ABTB3: variants seen among roughly 807,000 people sequenced by gnomAD.
ABTB3 encodes ankyrin repeat and BTB domain containing 3.
At chr12:107,346,304 C>T in the ABTB3 span, among the ~76,000 whole-genome samples, 1 of 152,124 alleles carries the variant, frequency 6.6e-6, no homozygotes, top group Non-Finnish European at 1.5e-5. Context: ...TTTCTGGAAG[C>T]ACCCCCATTG....
the ABTB3 span, among the ~76,000 whole-genome samples, chr12:107,472,337 C>A: frequency 9.2e-5 from 14 of 152,084 alleles, no homozygotes; most frequent in Non-Finnish European, 1.6e-4. Context: ...GCAAACGGAA[C>A]CGGGGAAGGG....
At chr12:107,432,440 T>C in the ABTB3 span, among the ~76,000 whole-genome samples, 1 of 152,204 alleles carries the variant, frequency 6.6e-6, no homozygotes, top group South Asian at 2.1e-4. Flanking sequence ...TTCTCTACCT[T>C]AGGGATGCCC....
At chr12:107,329,737 C>G in the ABTB3 span, among the ~76,000 whole-genome samples, 27 of 152,272 alleles carry the variant, frequency 1.8e-4, no homozygotes, top group Admixed American at 9.1e-4. Context: ...AAGTGCCTGA[C>G]ATGTAGAAAT....
the ABTB3 span, among the ~76,000 whole-genome samples, chr12:107,413,336 G>A: frequency 1.3e-5 from 2 of 152,270 alleles, no homozygotes; most frequent in South Asian, 4.1e-4. Context: ...TGACGACTAA[G>A]ATGCAGATGA....
chr12:107,656,112 A>G, the ABTB3 span, among the ~76,000 whole-genome samples: 8 of 148,146 alleles, frequency 5.4e-5, no homozygotes, highest in Admixed American at 5.5e-4. Flanking sequence ...ACATAGTGAA[A>G]CCCCATCTCT....
At chr12:107,504,720 A>G in the ABTB3 span, among the ~76,000 whole-genome samples, 1 of 152,206 alleles carries the variant, frequency 6.6e-6, no homozygotes, top group Non-Finnish European at 1.5e-5. Flanking sequence ...GAAGCGTGCC[A>G]GATACACCAG....
chr12:107,551,077 GGA>G, the ABTB3 span, among the ~76,000 whole-genome samples: 1 of 152,160 alleles, frequency 6.6e-6, no homozygotes. Flanking sequence ...GAAGGAGAGA[GGA>G]GAGCCATTCC....
chr12:107,642,069 C>CT, the ABTB3 span: 6 of 1,609,064 alleles, frequency 3.7e-6, no homozygotes, highest in Middle Eastern at 1.6e-4. Context: ...TTTTTTATCT[C>CT]TTTTTTATGT....
the ABTB3 span, among the ~76,000 whole-genome samples, chr12:107,527,146 C>G: frequency 1.3e-5 from 2 of 152,122 alleles, no homozygotes; most frequent in South Asian, 4.1e-4. Context: ...ACATCACTCC[C>G]TATTCCCTCT....
the ABTB3 span, among the ~76,000 whole-genome samples, chr12:107,520,049 A>T: frequency 6.6e-6 from 1 of 152,110 alleles, no homozygotes; most frequent in Non-Finnish European, 1.5e-5. Flanking sequence ...TCTGTTGAAC[A>T]AACAAAGTGA....
At chr12:107,344,274 C>T in the ABTB3 span, among the ~76,000 whole-genome samples, 2 of 152,202 alleles carry the variant, frequency 1.3e-5, no homozygotes, top group Non-Finnish European at 2.9e-5. Context: ...CTTAGTCCCC[C>T]AGCACCCATA....
chr12:107,535,810 T>C, the ABTB3 span, among the ~76,000 whole-genome samples: 1 of 152,226 alleles, frequency 6.6e-6, no homozygotes, highest in East Asian at 1.9e-4. Context: ...ATAATTAATA[T>C]TGGAAAATTA....
chr12:107,582,505 C>T, the ABTB3 span, among the ~76,000 whole-genome samples: 1 of 152,200 alleles, frequency 6.6e-6, no homozygotes, highest in Non-Finnish European at 1.5e-5. Context: ...GGCTGTGCCA[C>T]CATGCCTTGT....
the ABTB3 span, among the ~76,000 whole-genome samples, chr12:107,562,808 A>T: frequency 3.3e-5 from 5 of 152,216 alleles, no homozygotes; most frequent in Admixed American, 6.5e-5. Flanking sequence ...AGCAGTTTGG[A>T]AACCTATTTG....
the ABTB3 span, among the ~76,000 whole-genome samples, chr12:107,521,546 A>T: frequency 6.6e-6 from 1 of 152,068 alleles, no homozygotes; most frequent in Admixed American, 6.6e-5. Flanking sequence ...TGATTTCCAC[A>T]ATGAGATCCA....
the ABTB3 span, among the ~76,000 whole-genome samples, chr12:107,342,229 G>A: frequency 6.6e-6 from 1 of 151,996 alleles, no homozygotes; most frequent in Non-Finnish European, 1.5e-5. Flanking sequence ...GCAGATGGAT[G>A]CCAGATTCAT....
At chr12:107,616,487 A>G in the ABTB3 span, among the ~76,000 whole-genome samples, 1 of 152,264 alleles carries the variant, frequency 6.6e-6, no homozygotes, top group Non-Finnish European at 1.5e-5. Context: ...GGGGATGCAC[A>G]GAATGAAGTC....
At chr12:107,568,282 G>A in the ABTB3 span, among the ~76,000 whole-genome samples, 2 of 152,184 alleles carry the variant, frequency 1.3e-5, no homozygotes, top group African/African-American at 2.4e-5. Context: ...TCTGCACAGG[G>A]CCTAGAATAT....
At chr12:107,390,008 G>A in the ABTB3 span, among the ~76,000 whole-genome samples, 1 of 151,920 alleles carries the variant, frequency 6.6e-6, no homozygotes, top group Non-Finnish European at 1.5e-5. Context: ...TTCTTAAATG[G>A]TATTCAGGGC....
Sources: gnomAD v4.1 joint callset for allele counts (sites outside exome capture counted in the v4.1 genomes callset) on GRCh38, gnomAD v4.1.1 for gene constraint, MANE v1.5 for transcripts, NCBI Gene and HGNC (gene_info 2026-07-23, HGNC 2026-07-21) for gene names.